The following ZNF8 variants were observed in gnomAD, a reference collection of about 807,000 sequenced individuals.
The protein encoded by ZNF8 is zinc finger protein 8.
A neutral mutation model predicts 12.2 loss-of-function variants in ZNF8; 9 were observed. The ratio of observed to expected loss-of-function variants is 0.73; its 90% confidence interval spans 0.44 to 1.28. The LOEUF (loss-of-function observed/expected upper bound fraction) is 1.28, where lower values mean the gene tolerates loss of function less well. Ranked by LOEUF, ZNF8 falls within the 50% of genes most tolerant of loss-of-function variation. ZNF8 has a pLI of 0.00. For synonymous variants in ZNF8, 274 were observed against 282.3 expected (o/e 0.97, Z 0.30); for missense variants, 664 against 729.1 (o/e 0.91, Z 1.03).
At chr19:58,288,318 G>A (rs963739106) in intron 3 of ZNF8, among the ~76,000 whole-genome samples, 3 of 152,182 alleles carry the variant, frequency 2.0e-5, no homozygotes, top group Non-Finnish European at 2.9e-5. Context: ...TGCTGGTACT[G>A]TCTTGGCATC....
chr19:58,295,337 C>T lies in ZNF8; in HGVS notation c.1529C>T (p.Ser510Leu), dbSNP rs201477669. 1.2e-4 allele frequency: 199 copies of T among 1,614,130 alleles called. No homozygotes were observed. Among genetic ancestry groups the T allele is most frequent in the Non-Finnish European group, 7.6e-6 (9 of 1,180,030 alleles). Residue 510 changes from serine to leucine, a missense_variant, in exon 4 of 4, where the codon TCA (serine) becomes TTA (leucine). Ser to Leu is a moderately radical substitution (Grantham distance 145, BLOSUM62 -2). Transcript: ENST00000621650. ...CGTGAACAATCCTCGAGCAGGAACT[C>T]ACACCTGGTTCAGCATCAACACCCG... The part of the protein sequence containing the change: ...RRREQSSSRN[S>L]HLVQHQHPNS...
In ZNF8 at chr19:58,296,240, A is replaced by G. The variant is rs1001015180; in HGVS notation, c.*704A>G. ...TCCACTGGGGGCAGTTCTGTTCCTC[A>G]CCATCTTGGCAGCATGCATGGCTCC... On this transcript the variant is annotated 3_prime_UTR_variant, in exon 4 of 4. Coordinates refer to ENST00000621650, the MANE Select transcript of ZNF8 (RefSeq NM_021089.3). The G allele has an allele frequency of 1.4e-4, 21 of 152,046 alleles. No homozygotes were observed. The highest frequency in any genetic ancestry group is 4.8e-4 in the African/African-American group (20 of 41,352). 9.4% of individuals were successfully genotyped at this position (152,046 alleles called of 1,614,324 possible). A position where few individuals can be genotyped will look rare whatever the true frequency, so the allele number is the denominator to read the frequency against.
In ZNF8 at chr19:58,294,410, A is replaced by G. The variant is rs200368631; in HGVS notation, c.602A>G (p.Tyr201Cys). 28 of 1,614,106 alleles carry G rather than the reference A, an allele frequency of 1.7e-5. No individual in the cohort carries two copies. The highest frequency in any genetic ancestry group is 1.6e-4 in the Middle Eastern group (1 of 6,062). ...FPEISRGEYLYTYDSQITDSE... is the reference protein window; with the variant it reads ...FPEISRGEYLCTYDSQITDSE... ...GAGATCTCTAGAGGGGAGTATTTGT[A>G]TACTTACGACTCACAGATTACAGAC... The change falls in exon 4 of 4, where the codon TAT becomes TGT. Residue 201 changes from tyrosine to cysteine, a missense_variant. Coordinates refer to ENST00000621650, the MANE Select transcript of ZNF8 (RefSeq NM_021089.3). This position sits in a 1 kb window ranked among gnomAD's most constrained non-coding sequence, Gnocchi z 5.5.
rs966544043 is a variant in ZNF8, at chr19:58,294,459, C to G, written c.651C>G (p.Val217=). Residue 217 remains valine, a synonymous_variant, in exon 4 of 4, where the codon GTC becomes GTG. Coordinates refer to ENST00000621650, the MANE Select transcript of ZNF8 (RefSeq NM_021089.3). The surrounding 1 kb of genome is among the most constrained non-coding windows in gnomAD (Gnocchi z 5.5). Reference sequence around the variant, plus strand: ...ACTCAGAACATAACTCCAGCTTAGTCAGTCAGCAGACAGGCTCCCCAGGAA... The same window carrying G: ...ACTCAGAACATAACTCCAGCTTAGTGAGTCAGCAGACAGGCTCCCCAGGAA... ...ITDSEHNSSL[V]SQQTGSPGKQ... is the part of the protein sequence containing the mutation. The G allele has an allele frequency of 1.9e-6, 3 of 1,614,036 alleles. No homozygotes were observed. The highest frequency in any genetic ancestry group is 2.7e-5 in the African/African-American group (2 of 74,912).
Position 58,294,559 on chromosome 19 carries a change from C to A in ZNF8, c.751C>A (p.Gln251Lys). Residue 251 changes from glutamine (Q) to lysine (K), a missense_variant, in exon 4 of 4, where the codon CAG (glutamine) becomes AAG (lysine). Physicochemically the swap from Gln to Lys is moderately conservative, Grantham distance 53. This residue lies in a region of ZNF8 where 306 missense variants were observed against 308.7 expected (regional missense o/e 0.99). Transcript: ENST00000621650. This position sits in a 1 kb window ranked among gnomAD's most constrained non-coding sequence, Gnocchi z 5.5. The part of the protein sequence containing the change: ...AIPITELTKS[Q>K]VQDKPYKCTD... ...TCCAATTACGGAACTCACAAAAAGC[C>A]AGGTGCAGGACAAACCCTACAAATG... is the stretch of plus-strand genomic sequence containing the variant. 1 of 1,614,154 alleles carries A rather than the reference C, an allele frequency of 6.2e-7. No individual in the cohort carries two copies. Among genetic ancestry groups the A allele is most frequent in the African/African-American group, 1.3e-5 (1 of 75,020 alleles).
rs767046964 is a variant in ZNF8, at chr19:58,295,273, C to CA, written c.1466dup (p.His489GlnfsTer15). The CA allele has an allele frequency of 1.2e-6, 2 of 1,614,134 alleles. No homozygotes were observed. On this transcript the variant is annotated frameshift_variant, in exon 4 of 4. Transcript: ENST00000621650. LOFTEE classifies it low-confidence loss of function (END_TRUNC). ...TCACCTCATCCGGCACCAGATAACT[C>CA]ACACCAGAGAGGAGCAGCCCCATGG...
At position 58,285,776 on chromosome 19, in the gene ZNF8, G is replaced by A; in HGVS notation, c.126G>A (p.Leu42=). The A allele has an allele frequency of 6.2e-7, 1 of 1,614,154 alleles. No homozygotes were observed. The highest frequency in any genetic ancestry group is 8.5e-7 in the Non-Finnish European group (1 of 1,180,018). Residue 42 remains leucine (L), a synonymous_variant, in exon 2 of 4, where the codon CTG becomes CTA. Coordinates refer to ENST00000621650, the MANE Select transcript of ZNF8 (RefSeq NM_021089.3). ...TTACCCAGGAGGAATGGGGGCAGCT[G>A]GACCCTACCCAGAGGATCCTCTACC... ...VDFTQEEWGQ[L]DPTQRILYRD...
At position 58,286,118 on chromosome 19, in the gene ZNF8, C is replaced by G; in HGVS notation, c.202C>G (p.Leu68Val). The change falls in exon 3 of 4, where the codon CTT (leucine) becomes GTT (valine). Residue 68 changes from leucine (L) to valine (V), a missense_variant. Physicochemically the swap from Leu to Val is conservative, Grantham distance 32 (BLOSUM62 1). Around this residue, in one of 3 missense-constraint regions of ZNF8, gnomAD observed 306 missense variants for 308.7 expected, o/e 0.99. Transcript: ENST00000621650. The part of the protein sequence containing the change: ...FGHLLSIGPE[L>V]PKPEVISQLE... ...TTTTTCCCCATTTCCAGGTCCTGAG[C>G]TTCCGAAGCCTGAAGTCATCTCCCA... 6.2e-7 allele frequency: 1 copy of G among 1,614,056 alleles called. No individual in the cohort carries two copies. Among genetic ancestry groups the G allele is most frequent in the South Asian group, 1.1e-5 (1 of 91,038 alleles).
rs1460925457 is a variant in ZNF8, at chr19:58,301,299, T to G, written c.*5763T>G. The G allele has an allele frequency of 1.3e-5, 2 of 152,208 alleles. No homozygotes were observed. The highest frequency in any genetic ancestry group is 4.8e-5 in the African/African-American group (2 of 41,430). The allele number at this position is 152,208 out of a possible 1,614,324, so 9.4% of individuals were successfully genotyped here. Reference sequence around the variant, plus strand: ...TTGACCTCTCCCCTTCCCCACTCCATGGAGTTAGAGGTCCTGTTGATTTTG... The same window carrying G: ...TTGACCTCTCCCCTTCCCCACTCCAGGGAGTTAGAGGTCCTGTTGATTTTG... On this transcript the variant is annotated 3_prime_UTR_variant, in exon 4 of 4. Transcript: ENST00000621650.
chr19:58,295,553 A>G lies in ZNF8; in HGVS notation c.*17A>G, dbSNP rs1402921890. On this transcript the variant is annotated 3_prime_UTR_variant, in exon 4 of 4. Coordinates refer to ENST00000621650, the MANE Select transcript of ZNF8 (RefSeq NM_021089.3). ...TCCACATAGGAGAGAAACTTTGCTGATGACTTTTAACCACAAGTAAAAAAT... is the reference window on the plus strand; with the variant it reads ...TCCACATAGGAGAGAAACTTTGCTGGTGACTTTTAACCACAAGTAAAAAAT... The G allele has an allele frequency of 1.3e-6, 2 of 1,568,622 alleles. No homozygotes were observed. The highest frequency in any genetic ancestry group is 1.7e-6 in the Non-Finnish European group (2 of 1,155,782).
chr19:58,295,665 G>A lies in ZNF8; in HGVS notation c.*129G>A. 2.4e-6 allele frequency: 2 copies of A among 833,796 alleles called. No individual in the cohort carries two copies. Among genetic ancestry groups the A allele is most frequent in the Non-Finnish European group, 1.9e-6 (1 of 539,880 alleles). 51.6% of individuals were successfully genotyped at this position (833,796 alleles called of 1,614,324 possible). A position where few individuals can be genotyped will look rare whatever the true frequency, so the allele number is the denominator to read the frequency against. On this transcript the variant is annotated 3_prime_UTR_variant, in exon 4 of 4. Transcript: ENST00000621650. ...ACTTCTGACTTTCTAAGGAAATGAT[G>A]CTTCCCAAGCACCCGAGGTTGGTTG...
At chr19:58,279,301 G>A (rs1158873322) in intron 1 of ZNF8, 154 bp downstream of exon 1, 3 of 1,508,762 alleles carry the variant, frequency 2.0e-6, no homozygotes, top group Non-Finnish European at 2.7e-6. Context: ...CGTGGTGACC[G>A]TCCTGGCTGG....
At position 58,294,798 on chromosome 19, in the gene ZNF8, C is replaced by T. The variant is rs769450029; in HGVS notation, c.990C>T (p.Val330=). The T allele has an allele frequency of 1.9e-6, 3 of 1,614,166 alleles. No individual in the cohort carries two copies. The highest frequency in any genetic ancestry group is 1.1e-5 in the South Asian group (1 of 91,076). Residue 330 remains valine, a synonymous_variant, in exon 4 of 4, where the codon GTC becomes GTT. Transcript: ENST00000621650. The surrounding 1 kb of genome is among the most constrained non-coding windows in gnomAD (Gnocchi z 5.5). ...KSFCHSTHLT[V]HRRIHTGEKP... is the part of the protein sequence containing the mutation. ...TCTGCCATAGTACACACCTTACCGT[C>T]CATCGGAGGATTCACACTGGGGAGA...
Position 58,302,734 on chromosome 19 carries a change from A to T in ZNF8, c.*7198A>T, listed in dbSNP as rs2051498003. The T allele has an allele frequency of 6.6e-6, 1 of 152,252 alleles. No homozygotes were observed. The highest frequency in any genetic ancestry group is 1.5e-5 in the Non-Finnish European group (1 of 68,044). 9.4% of individuals were successfully genotyped at this position (152,252 alleles called of 1,614,324 possible). The stretch of plus-strand genomic sequence containing the variant: ...CAGTTTATCAGCCACTATCTAAATT[A>T]CACATACATAAACCCTTTGTCTAAG... On this transcript the variant is annotated 3_prime_UTR_variant, in exon 4 of 4. Transcript: ENST00000621650.
In ZNF8 at chr19:58,298,112, C is replaced by T. The variant is rs1157666043; in HGVS notation, c.*2576C>T. On this transcript the variant is annotated 3_prime_UTR_variant, in exon 4 of 4. Transcript: ENST00000621650. ...TGGCGTGATCTCGGCTCACTGCAACCTCCACCTCCACGGTTCACGCCATTC... is the reference window on the plus strand; with the variant it reads ...TGGCGTGATCTCGGCTCACTGCAACTTCCACCTCCACGGTTCACGCCATTC... 1 of 151,980 alleles carries T rather than the reference C, an allele frequency of 6.6e-6. No homozygotes were observed. The highest frequency in any genetic ancestry group is 1.5e-5 in the Non-Finnish European group (1 of 68,070). 9.4% of individuals were successfully genotyped at this position (151,980 alleles called of 1,614,324 possible).
chr19:58,289,217 T>C (rs2051402439), intron 3 of ZNF8, among the ~76,000 whole-genome samples: 1 of 152,168 alleles, frequency 6.6e-6, no homozygotes, highest in Non-Finnish European at 1.5e-5. Context: ...CCGATTTGGC[T>C]GGACGCAGTG....
chr19:58,293,367 A>C (rs2051432552), intron 3 of ZNF8, among the ~76,000 whole-genome samples: 1 of 152,216 alleles, frequency 6.6e-6, no homozygotes, highest in Non-Finnish European at 1.5e-5. Context: ...TTCCTTCAGC[A>C]TTCACTGAGA....
chr19:58,299,880 G>A lies in ZNF8; in HGVS notation c.*4344G>A, dbSNP rs371293912. The A allele has an allele frequency of 1.3e-5, 2 of 152,312 alleles. No individual in the cohort carries two copies. The highest frequency in any genetic ancestry group is 2.1e-4 in the South Asian group (1 of 4,820). 9.4% of individuals were successfully genotyped at this position (152,312 alleles called of 1,614,324 possible). On this transcript the variant is annotated 3_prime_UTR_variant, in exon 4 of 4. Transcript: ENST00000621650. ...TGGCCTCCAGGATGCCAGAGCCAGAGCTTTGTGGTTCATCTCTAGAGGTTC... is the reference window on the plus strand; with the variant it reads ...TGGCCTCCAGGATGCCAGAGCCAGAACTTTGTGGTTCATCTCTAGAGGTTC...
intron 3 of ZNF8, among the ~76,000 whole-genome samples, chr19:58,293,041 C>T (rs1195277385): frequency 6.6e-6 from 1 of 151,958 alleles, no homozygotes; most frequent in Non-Finnish European, 1.5e-5. Flanking sequence ...CTTCGCCTCC[C>T]AGGTTCAAGC....
Sources: gnomAD v4.1 joint callset for allele counts (sites outside exome capture counted in the v4.1 genomes callset) on GRCh38, gnomAD v4.1.1 for gene constraint, gnomAD v4.1.1 regional missense constraint, Gnocchi (gnomAD v3.1) non-coding constraint, MANE v1.5 for transcripts, NCBI Gene and HGNC (gene_info 2026-07-23, HGNC 2026-07-21) for gene names.